SENP1: variants seen among roughly 807,000 people sequenced by gnomAD.
SENP1 encodes SUMO specific peptidase 1, also known as sentrin-specific protease 1.
A neutral mutation model predicts 93.0 loss-of-function variants in SENP1; 21 were observed. The observed-to-expected ratio is 0.23, with a 90% CI of 0.16 to 0.33. The LOEUF is 0.33. Among genes scored for constraint, SENP1 ranks in the 10% least tolerant of loss-of-function variants. SENP1 has a pLI of 1.00. For synonymous variants in SENP1, 256 were observed against 259.6 expected (o/e 0.99, Z 0.13); for missense variants, 591 against 758.7 (o/e 0.78, Z 2.60).
intron 4 of SENP1, among the ~76,000 whole-genome samples, chr12:48,095,263 G>A (rs1945480492): frequency 6.6e-6 from 1 of 152,072 alleles, no homozygotes; most frequent in Non-Finnish European, 1.5e-5. Flanking sequence ...CCAGCCAGGT[G>A]CAGCGGCTTA....
intron 4 of SENP1, 128 bp from the exon 5 acceptor site, chr12:48,089,088 A>C: frequency 6.5e-7 from 1 of 1,547,272 alleles, no homozygotes; most frequent in South Asian, 1.2e-5. Flanking sequence ...TGGAAGAAAG[A>C]TCCCAGTCTC....
chr12:48,102,431 C>CAAAAAAAA (rs57161608), intron 1 of SENP1, among the ~76,000 whole-genome samples: 2 of 47,434 alleles, frequency 4.2e-5, no homozygotes, highest in African/African-American at 8.1e-5. Flanking sequence ...GACTCTGTCT[C>CAAAAAAAA]AAAAAAAAAA....
intron 17 of SENP1, 85 bp from the exon 18 acceptor site, chr12:48,045,469 G>C: frequency 9.1e-7 from 1 of 1,098,100 alleles, no homozygotes; most frequent in Non-Finnish European, 1.4e-6. Context: ...TCTTTTGCAA[G>C]GTTTTCAACA....
At chr12:48,099,973 A>G (rs1444849612) in intron 2 of SENP1, among the ~76,000 whole-genome samples, 1 of 152,220 alleles carries the variant, frequency 6.6e-6, no homozygotes, top group Non-Finnish European at 1.5e-5. Flanking sequence ...AGAAGCAATA[A>G]ACGTAACAGA....
intron 13 of SENP1, 135 bp from the exon 14 acceptor site, chr12:48,049,267 C>T (rs1592281395): frequency 1.5e-6 from 1 of 656,108 alleles, no homozygotes; most frequent in East Asian, 2.7e-5. Flanking sequence ...CCAACAGATT[C>T]ATTTCTCTAA....
intron 15 of SENP1, 61 bp from the exon 16 acceptor site, chr12:48,047,123 T>A: frequency 9.6e-7 from 1 of 1,036,506 alleles, no homozygotes; most frequent in Non-Finnish European, 1.5e-6. Context: ...GCTGCCACAC[T>A]AAGAATGGGG....
At chr12:48,063,954 A>G in intron 12 of SENP1, 113 bp from the exon 13 acceptor site, 1 of 1,028,080 alleles carries the variant, frequency 9.7e-7, no homozygotes, top group Non-Finnish European at 1.4e-6. Flanking sequence ...TCGATTGTTT[A>G]TAAATTTACT....
chr12:48,102,422 ACT>A (rs1946004082), intron 1 of SENP1, among the ~76,000 whole-genome samples: 3 of 121,478 alleles, frequency 2.5e-5, no homozygotes, highest in Non-Finnish European at 4.8e-5. Context: ...ACAGAGCAAG[ACT>A]CTGTCTCAAA....
At chr12:48,052,352 A>C (rs564375192) in intron 13 of SENP1, among the ~76,000 whole-genome samples, 1 of 152,188 alleles carries the variant, frequency 6.6e-6, no homozygotes, top group Admixed American at 6.5e-5. Context: ...TATAGTTTGA[A>C]CTCTTCTAAT....
chr12:48,071,942 G>A (rs1943734520), intron 8 of SENP1, among the ~76,000 whole-genome samples: 1 of 152,234 alleles, frequency 6.6e-6, no homozygotes, highest in South Asian at 2.1e-4. Flanking sequence ...AAATCCCTGG[G>A]AAATAACAAA....
Position 48,043,328 on chromosome 12 carries a change from C to T in SENP1, c.*1994G>A, listed in dbSNP as rs1941120061. 1.3e-5 allele frequency: 2 copies of T among 152,704 alleles called. No individual in the cohort carries two copies. The highest frequency in any genetic ancestry group is 2.4e-5 in the African/African-American group (1 of 41,554). The allele number at this position is 152,704 out of a possible 1,614,324, so 9.5% of individuals were successfully genotyped here. On this transcript the variant is annotated 3_prime_UTR_variant, in exon 18 of 18. Coordinates refer to ENST00000549518, the MANE Select transcript of SENP1 (RefSeq NM_001267594.2). Reference sequence around the variant, plus strand: ...GTGAGGAAGGTAAGACAGATGTTACCTAAATGGACAAACAATAAATACAGA... The same window carrying T: ...GTGAGGAAGGTAAGACAGATGTTACTTAAATGGACAAACAATAAATACAGA...
Position 48,071,546 on chromosome 12 carries a change from G to A in SENP1, c.995+121C>T, listed in dbSNP as rs149568832. The stretch of plus-strand genomic sequence containing the variant: ...CAGAAGAATTGCTTGAACCAGGGAG[G>A]TGGAGGTTGCAGTGAACCAAGATCG... On this transcript the variant is annotated intron_variant, in intron 9 of 17. Coordinates refer to ENST00000549518, the MANE Select transcript of SENP1 (RefSeq NM_001267594.2). 280 of 617,212 alleles carry A rather than the reference G, an allele frequency of 4.5e-4. No homozygotes were observed. In the African/African-American group the frequency reaches 4.7e-3, roughly 10 times the overall value. The allele number at this position is 617,212 out of a possible 1,614,324, so 38.2% of individuals were successfully genotyped here. A position where few individuals can be genotyped will look rare whatever the true frequency, so the allele number is the denominator to read the frequency against.
intron 13 of SENP1, 101 bp from the exon 14 acceptor site, chr12:48,049,233 T>C: frequency 1.2e-6 from 1 of 828,364 alleles, no homozygotes. Context: ...TGTTTCCTAA[T>C]AAACTGAATT....
intron 13 of SENP1, among the ~76,000 whole-genome samples, chr12:48,063,141 T>C (rs1259793459): frequency 6.6e-6 from 1 of 152,150 alleles, no homozygotes; most frequent in Non-Finnish European, 1.5e-5. Flanking sequence ...TTAAAATAAA[T>C]TGGAGTTAGG....
At chr12:48,104,309 T>G (rs1946275297) in intron 1 of SENP1, among the ~76,000 whole-genome samples, 1 of 122,090 alleles carries the variant, frequency 8.2e-6, no homozygotes, top group Non-Finnish European at 1.6e-5. Flanking sequence ...AGAGACGCAA[T>G]GTTAGCTTTA....
rs1310110101 is a variant in SENP1, at chr12:48,044,252, C to G, written c.*1070G>C. ...ACACCCTACTCATAGGGGCTGGGAT[C>G]TCTGTGTGCTGGAATTTGGAAAATG... On this transcript the variant is annotated 3_prime_UTR_variant, in exon 18 of 18. Coordinates refer to ENST00000549518, the MANE Select transcript of SENP1 (RefSeq NM_001267594.2). 1.3e-5 allele frequency: 2 copies of G among 151,196 alleles called. No homozygotes were observed. Among genetic ancestry groups the G allele is most frequent in the African/African-American group, 4.9e-5 (2 of 40,988 alleles). The allele number at this position is 151,196 out of a possible 1,614,324, so 9.4% of individuals were successfully genotyped here. A position where few individuals can be genotyped will look rare whatever the true frequency, so the allele number is the denominator to read the frequency against.
At chr12:48,046,771 G>A (rs777621653) in intron 16 of SENP1, among the ~76,000 whole-genome samples, 17 of 151,874 alleles carry the variant, frequency 1.1e-4, no homozygotes, top group Admixed American at 2.0e-4. Flanking sequence ...AAAATATCTG[G>A]GCATTTAGAA....
rs1200592643 is a variant in SENP1 at position 48,045,286 on chromosome 12, C to T, written c.*36G>A. 1.9e-6 allele frequency: 3 copies of T among 1,575,850 alleles called. No individual in the cohort carries two copies. The highest frequency in any genetic ancestry group is 2.2e-5 in the East Asian group (1 of 44,646). Reference sequence around the variant, plus strand: ...GGCTGTAGACAACAAAGAGCTGGTCCCCCACATGGTCAAGGTCTGCTAAGT... The same window carrying T: ...GGCTGTAGACAACAAAGAGCTGGTCTCCCACATGGTCAAGGTCTGCTAAGT... On this transcript the variant is annotated 3_prime_UTR_variant, in exon 18 of 18. Transcript: ENST00000549518.
At position 48,049,109 on chromosome 12, in the gene SENP1, C is replaced by T. The variant is rs761618060; in HGVS notation, c.1431G>A (p.Met477Ile). 1.2e-6 allele frequency: 2 copies of T among 1,613,526 alleles called. No homozygotes were observed. Among genetic ancestry groups the T allele is most frequent in the Non-Finnish European group, 1.7e-6 (2 of 1,179,554 alleles). Residue 477 changes from methionine (M) to isoleucine (I), a missense_variant, in exon 14 of 18, where the codon ATG becomes ATA. This residue lies in a region of SENP1 where 132 missense variants were observed against 230.1 expected (regional missense o/e 0.57). Coordinates refer to ENST00000549518, the MANE Select transcript of SENP1 (RefSeq NM_001267594.2). ...CCTTCTCTTTACTTCGCTCCATCAG[C>T]ATATTCATGTAGAAATTGATGATCT... ...NDEIINFYMNMLMERSKEKGL... is the reference protein window; with the variant it reads ...NDEIINFYMNILMERSKEKGL...
Sources: gnomAD v4.1 joint callset for allele counts (sites outside exome capture counted in the v4.1 genomes callset) on GRCh38, gnomAD v4.1.1 for gene constraint, gnomAD v4.1.1 regional missense constraint, MANE v1.5 for transcripts, NCBI Gene and HGNC (gene_info 2026-07-23, HGNC 2026-07-21) for gene names.